The following TRIM6 variants were observed in gnomAD, a reference collection of about 807,000 sequenced individuals.
TRIM6 encodes tripartite motif containing 6.
TRIM6 carries 43 observed loss-of-function variants against 51.2 expected under a neutral mutation model. The ratio of observed to expected loss-of-function variants is 0.84; its 90% CI spans 0.66 to 1.08. The LOEUF is 1.08. Ranked by LOEUF, TRIM6 falls within the 50% of genes least tolerant of loss-of-function variation. TRIM6 has a pLI of 0.00. For synonymous variants in TRIM6, 215 were observed against 232.4 expected (o/e 0.93, Z 0.68); for missense variants, 669 against 619.0 (o/e 1.08, Z -0.86).
At chr11:5,600,899 T>C (rs1406518467) in intron 1 of TRIM6, among the ~76,000 whole-genome samples, 2 of 152,090 alleles carry the variant, frequency 1.3e-5, no homozygotes, top group African/African-American at 4.8e-5. Context: ...GCAGAACAAA[T>C]GGCTCCCAGT....
intron 4 of TRIM6, among the ~76,000 whole-genome samples, chr11:5,606,315 G>A (rs1411625928): frequency 2.6e-5 from 4 of 151,798 alleles, no homozygotes; most frequent in Non-Finnish European, 5.9e-5. Context: ...AAGGTATCAA[G>A]CCTAGAGAGA....
chr11:5,610,402 A>C, intron 6 of TRIM6, 133 bp from the exon 7 acceptor site: 1 of 1,578,372 alleles, frequency 6.3e-7, no homozygotes. Context: ...GTTTGTATTT[A>C]AGGGGAGATG....
intron 1 of TRIM6, among the ~76,000 whole-genome samples, chr11:5,598,313 A>G (rs889376153): frequency 6.6e-6 from 1 of 152,080 alleles, no homozygotes; most frequent in Non-Finnish European, 1.5e-5. Context: ...CTCCTTCACA[A>G]TTTCTTTCCC....
rs902829712 is a variant in TRIM6, at chr11:5,611,496, C to G, written c.*154C>G. 1.4e-6 allele frequency: 1 copy of G among 708,366 alleles called. No individual in the cohort carries two copies. Among genetic ancestry groups the G allele is most frequent in the Non-Finnish European group, 2.3e-6 (1 of 431,208 alleles). 43.9% of individuals were successfully genotyped at this position (708,366 alleles called of 1,614,324 possible). ...TGAGATGGAATCTCGCTCTGTCGCCCAGGCTGGAGTGCACTGGCGCAATCT... is the reference window on the plus strand; with the variant it reads ...TGAGATGGAATCTCGCTCTGTCGCCGAGGCTGGAGTGCACTGGCGCAATCT... On this transcript the variant is annotated 3_prime_UTR_variant, in exon 8 of 8. Transcript: ENST00000380097.
At chr11:5,602,981 C>T (rs1590091034) in intron 1 of TRIM6, among the ~76,000 whole-genome samples, 1 of 152,102 alleles carries the variant, frequency 6.6e-6, no homozygotes, top group African/African-American at 2.4e-5. Context: ...AAAGATCACA[C>T]AGACAGTGAC....
chr11:5,612,164 T>TA lies in TRIM6; in HGVS notation c.*823dup, dbSNP rs1848603962. 6.6e-6 allele frequency: 1 copy of TA among 152,254 alleles called. No homozygotes were observed. The highest frequency in any genetic ancestry group is 1.5e-5 in the Non-Finnish European group (1 of 68,036). 9.4% of individuals were successfully genotyped at this position (152,254 alleles called of 1,614,324 possible). On this transcript the variant is annotated 3_prime_UTR_variant, in exon 8 of 8. Transcript: ENST00000380097. ...GTATTGTTTAGATTTTGTTCTCATCTATGTTAATGAAAGAAATTGGCCTGT... is the reference window on the plus strand; with the variant it reads ...GTATTGTTTAGATTTTGTTCTCATCTAATGTTAATGAAAGAAATTGGCCTGT...
Position 5,596,720 on chromosome 11 carries a change from A to AT in TRIM6, c.-177dup. ...ACGGCCAAAGGCTGGCGGAGGAGGG[A>AT]TCCCCTGCCTTTCTCGGAACGGAAC... On this transcript the variant is annotated 5_prime_UTR_variant, in exon 1 of 8. An upstream open reading frame in the 5' UTR loses its in-frame stop. Coordinates refer to ENST00000380097, the MANE Select transcript of TRIM6 (RefSeq NM_001003818.3). 1.1e-6 allele frequency: 1 copy of AT among 925,020 alleles called. No individual in the cohort carries two copies. 57.3% of individuals were successfully genotyped at this position (925,020 alleles called of 1,614,324 possible). A position where few individuals can be genotyped will look rare whatever the true frequency, so the allele number is the denominator to read the frequency against.
At chr11:5,600,486 T>G (rs958230311) in intron 1 of TRIM6, among the ~76,000 whole-genome samples, 2 of 152,176 alleles carry the variant, frequency 1.3e-5, no homozygotes, top group South Asian at 4.1e-4. Context: ...TTCGGCTCGC[T>G]AGATCCCCCA....
chr11:5,608,476 G>C (rs1848358298), intron 5 of TRIM6, 82 bp downstream of exon 5: 9 of 1,589,616 alleles, frequency 5.7e-6, no homozygotes, highest in South Asian at 2.3e-5. Flanking sequence ...AAGGGAAGAA[G>C]AATCAGAGTG....
intron 1 of TRIM6, among the ~76,000 whole-genome samples, chr11:5,598,084 T>C (rs1000137673): frequency 2.3e-4 from 35 of 152,222 alleles, no homozygotes; most frequent in African/African-American, 8.0e-4. Context: ...TTTCTTCTGC[T>C]AATTTGATGC....
intron 2 of TRIM6, 68 bp downstream of exon 2, chr11:5,603,803 G>A: frequency 2.6e-6 from 4 of 1,564,384 alleles, no homozygotes; most frequent in Non-Finnish European, 3.5e-6. Context: ...GTTTTATCAT[G>A]CTCTGATCTA....
intron 5 of TRIM6, 131 bp downstream of exon 5, chr11:5,608,525 A>G (rs1848362146): frequency 7.1e-7 from 1 of 1,403,810 alleles, no homozygotes; most frequent in East Asian, 2.5e-5. Context: ...CGCGCATCAC[A>G]TGGAGTTTTG....
At chr11:5,609,561 G>T (rs1033832854) in intron 5 of TRIM6, among the ~76,000 whole-genome samples, 7 of 151,960 alleles carry the variant, frequency 4.6e-5, no homozygotes, top group Admixed American at 4.6e-4. Flanking sequence ...ACATCTCTAG[G>T]ACACAGAAAA....
Position 5,605,517 on chromosome 11 carries a change from A to G in TRIM6, c.784A>G (p.Ile262Val), listed in dbSNP as rs756208280. ...CCAGACCCAGTCGCTGCGAGAGCTC[A>G]TCTCGGATCTGGAGCGTCGATGTCA... The part of the protein sequence containing the change: ...VHQTQSLREL[I>V]SDLERRCQGS... The change falls in exon 4 of 8, where the codon ATC (isoleucine) becomes GTC (valine). Residue 262 changes from isoleucine to valine, a missense_variant. Physicochemically the swap from Ile to Val is conservative, Grantham distance 29. Coordinates refer to ENST00000380097, the MANE Select transcript of TRIM6 (RefSeq NM_001003818.3). The G allele has an allele frequency of 4.3e-6, 7 of 1,609,562 alleles. No individual in the cohort carries two copies. The East Asian group carries it at 1.6e-4, about 36-fold the overall frequency.
intron 2 of TRIM6, among the ~76,000 whole-genome samples, chr11:5,604,063 CCGGCTCACTGCA>C (rs1376261417): frequency 1.3e-5 from 2 of 151,900 alleles, no homozygotes; most frequent in African/African-American, 4.8e-5. Context: ...TGGTGCGATC[CCGGCTCACTGCA>C]ACCTCCGCCT....
In TRIM6 at chr11:5,610,335, A is replaced by G. The variant is rs918357093; in HGVS notation, c.958+90A>G. The G allele has an allele frequency of 7.5e-6, 12 of 1,592,634 alleles. No homozygotes were observed. The African/African-American group carries it at 1.5e-4, about 20-fold the overall frequency. ...TAGAGGCTATAGTCGGTATTTGAGC[A>G]TAGTGGCAAAGAGGGAGGTCCCAGA... is the stretch of plus-strand genomic sequence containing the variant. On this transcript the variant is annotated intron_variant, in intron 6 of 7. Transcript: ENST00000380097.
At chr11:5,606,491 C>T (rs1198140934) in intron 4 of TRIM6, among the ~76,000 whole-genome samples, 2 of 151,816 alleles carry the variant, frequency 1.3e-5, no homozygotes, top group African/African-American at 4.8e-5. Flanking sequence ...TTTCCTCTTG[C>T]TCCTTCTTTC....
chr11:5,601,095 C>T (rs981816729), intron 1 of TRIM6, among the ~76,000 whole-genome samples: 3 of 152,164 alleles, frequency 2.0e-5, no homozygotes, highest in African/African-American at 7.2e-5. Context: ...TACATATGGA[C>T]CCCCTTAGGA....
rs1200331709 is a variant in TRIM6 at position 5,610,984 on chromosome 11, G to A, written c.1193G>A (p.Gly398Glu). 6.2e-7 allele frequency: 1 copy of A among 1,614,104 alleles called. No individual in the cohort carries two copies. Among genetic ancestry groups the A allele is most frequent in the Admixed American group, 1.7e-5 (1 of 60,010 alleles). The stretch of plus-strand genomic sequence containing the variant: ...GCCAAGAAGACTGCCTGGATCCTGG[G>A]GGTATGCAGCAATTCACTGGGACCT... ...DVAKKTAWIL[G>E]VCSNSLGPTF... The change falls in exon 8 of 8, where the codon GGG becomes GAG. Residue 398 changes from glycine to glutamate, a missense_variant. Coordinates refer to ENST00000380097, the MANE Select transcript of TRIM6 (RefSeq NM_001003818.3).
Sources: gnomAD v4.1 joint callset for allele counts (sites outside exome capture counted in the v4.1 genomes callset) on GRCh38, gnomAD v4.1.1 for gene constraint, MANE v1.5 for transcripts, NCBI Gene and HGNC (gene_info 2026-07-23, HGNC 2026-07-21) for gene names.